Variants in NEO1 observed in about 807,000 individuals in gnomAD.
NEO1 encodes the protein neogenin.
In NEO1, 63 loss-of-function variants were observed where a neutral mutation model predicts 159.7. That is an observed-to-expected ratio of 0.39 (90% CI 0.32 to 0.49). The LOEUF (loss-of-function observed/expected upper bound fraction) is 0.49, where lower values mean the gene tolerates loss of function less well. NEO1 is among the 20% of genes least tolerant of loss of function. NEO1 has a pLI of 0.85. For missense variants in NEO1, 1,615 were observed against 1,831.0 expected (o/e 0.88, Z 2.15); for synonymous variants, 633 against 662.0 (o/e 0.96, Z 0.67).
chr15:73,169,254 T>G (rs1207963605), intron 5 of NEO1, among the ~76,000 whole-genome samples: 1 of 152,194 alleles, frequency 6.6e-6, no homozygotes, highest in Non-Finnish European at 1.5e-5. Context: ...ACTTGTACAT[T>G]TAGCAATTAA....
At chr15:73,204,491 G>T (rs1796356137) in intron 7 of NEO1, among the ~76,000 whole-genome samples, 1 of 151,176 alleles carries the variant, frequency 6.6e-6, no homozygotes, top group East Asian at 1.9e-4. Context: ...TTTTCTCTTT[G>T]CATTTTAGTG....
intron 15 of NEO1, among the ~76,000 whole-genome samples, chr15:73,265,751 C>T (rs150620503): frequency 2.0e-5 from 3 of 152,152 alleles, no homozygotes; most frequent in East Asian, 3.9e-4. Context: ...GTGGGTGGGC[C>T]GCCAAGAAAA....
chr15:73,069,883 G>T (rs1424812683), intron 1 of NEO1, among the ~76,000 whole-genome samples: 2 of 152,192 alleles, frequency 1.3e-5, no homozygotes, highest in Non-Finnish European at 1.5e-5. Flanking sequence ...AGAGTTAGCA[G>T]TCTGCTTCCA....
chr15:73,215,390 A>G (rs541808492), intron 7 of NEO1, among the ~76,000 whole-genome samples: 22 of 152,286 alleles, frequency 1.4e-4, no homozygotes, highest in African/African-American at 5.1e-4. Flanking sequence ...ACTTTTCCCC[A>G]TTCAGTATTA....
intron 8 of NEO1, among the ~76,000 whole-genome samples, chr15:73,244,116 G>A (rs1012761521): frequency 1.3e-5 from 2 of 152,162 alleles, no homozygotes; most frequent in Non-Finnish European, 2.9e-5. Context: ...TATGGTCAGC[G>A]ATATCAGTAA....
At position 73,066,320 on chromosome 15, in the gene NEO1, CTT is replaced by C. The variant is rs35179965; in HGVS notation, c.130+13536_130+13537del. Among the ~76,000 whole-genome samples, 988 of 110,212 alleles carry C rather than the reference CTT, an allele frequency of 9.0e-3. 16 individuals carry two copies. The highest frequency in any genetic ancestry group is 0.033 in the African/African-American group (926 of 27,754). 72.3% of individuals were successfully genotyped at this position (110,212 alleles called of 152,430 possible). A position where few individuals can be genotyped will look rare whatever the true frequency, so the allele number is the denominator to read the frequency against. On this transcript the variant is annotated intron_variant, in intron 1 of 28. Coordinates refer to ENST00000261908, the MANE Select transcript of NEO1 (RefSeq NM_002499.4). ...AGGCTTGAGCCACCGCACCTGGCCTCTTTTTTTTTTTTTTTTTTTTTTAAATA... is the reference window on the plus strand; with the variant it reads ...AGGCTTGAGCCACCGCACCTGGCCTCTTTTTTTTTTTTTTTTTTTTAAATA...
chr15:73,281,869 C>CA (rs2053124635), intron 22 of NEO1, among the ~76,000 whole-genome samples: 1 of 152,164 alleles, frequency 6.6e-6, no homozygotes, highest in Non-Finnish European at 1.5e-5. Flanking sequence ...AAATGGAAGA[C>CA]AGTAAGACTT....
chr15:73,069,731 A>G (rs2151306627), intron 1 of NEO1, among the ~76,000 whole-genome samples: 1 of 152,238 alleles, frequency 6.6e-6, no homozygotes, highest in African/African-American at 2.4e-5. Flanking sequence ...TGTTACACAT[A>G]TTTAGAAAGT....
At chr15:73,206,557 T>C (rs1393063139) in intron 7 of NEO1, among the ~76,000 whole-genome samples, 1 of 152,168 alleles carries the variant, frequency 6.6e-6, no homozygotes, top group Non-Finnish European at 1.5e-5. Context: ...GCAGCAGTAT[T>C]TCTGGCTCAG....
chr15:73,113,463 C>T (rs2071119016), intron 1 of NEO1, among the ~76,000 whole-genome samples: 1 of 152,050 alleles, frequency 6.6e-6, no homozygotes, highest in Admixed American at 6.6e-5. Flanking sequence ...CAAACTATAC[C>T]CTGAGATACC....
intron 1 of NEO1, among the ~76,000 whole-genome samples, chr15:73,104,909 T>TG (rs1269759167): frequency 1.3e-5 from 2 of 152,092 alleles, no homozygotes; most frequent in African/African-American, 4.8e-5. Flanking sequence ...CAAGGGGAAA[T>TG]GCGCCCCATG....
rs543316662 is a variant in NEO1, at chr15:73,135,892, T to C, written c.880T>C (p.Ser294Pro). 1.2e-4 allele frequency: 176 copies of C among 1,528,808 alleles called. No individual in the cohort carries two copies. The highest frequency in any genetic ancestry group is 1.4e-4 in the Non-Finnish European group (164 of 1,137,820). The allele number at this position is 1,528,808 out of a possible 1,614,324, so 94.7% of individuals were successfully genotyped here. A position where few individuals can be genotyped will look rare whatever the true frequency, so the allele number is the denominator to read the frequency against. ...KNEEALDTES[S>P]ERLVLLAGGS... ...TTTTTTTTTTTTTTTTTAACACAGC[T>C]CTGAAAGATTGGTATTGCTGGCAGG... The change falls in exon 5 of 29, where the codon TCT becomes CCT. Residue 294 changes from serine to proline, a missense_variant and splice_region_variant. Around this residue, in one of 3 missense-constraint regions of NEO1, gnomAD observed 1,018 missense variants for 1,115.4 expected, o/e 0.91. Coordinates refer to ENST00000261908, the MANE Select transcript of NEO1 (RefSeq NM_002499.4).
chr15:73,259,120 A>AT lies in NEO1; in HGVS notation c.2203+254dup, dbSNP rs1038487612. 1,435 of 316,192 alleles carry AT rather than the reference A, an allele frequency of 4.5e-3. 4 individuals are homozygous for AT. Among genetic ancestry groups the AT allele is most frequent in the East Asian group, 0.019 (358 of 18,696 alleles). The allele number at this position is 316,192 out of a possible 1,614,324, so 19.6% of individuals were successfully genotyped here. Reference sequence around the variant, plus strand: ...AAAATGTGTATGTGCTATAAGTTGGATTTTTTTTTTAATCAAGGCCATTAA... The same window carrying AT: ...AAAATGTGTATGTGCTATAAGTTGGATTTTTTTTTTTAATCAAGGCCATTAA... On this transcript the variant is annotated intron_variant, in intron 14 of 28. Coordinates refer to ENST00000261908, the MANE Select transcript of NEO1 (RefSeq NM_002499.4).
At chr15:73,229,771 A>G (rs907673708) in intron 7 of NEO1, among the ~76,000 whole-genome samples, 2 of 151,980 alleles carry the variant, frequency 1.3e-5, no homozygotes, top group African/African-American at 2.4e-5. Flanking sequence ...CATTTTGTCA[A>G]ATGCTTTTTC....
intron 1 of NEO1, among the ~76,000 whole-genome samples, chr15:73,060,417 C>T (rs1214327794): frequency 6.6e-6 from 1 of 151,962 alleles, no homozygotes; most frequent in Admixed American, 6.6e-5. Context: ...GCGTGCACCA[C>T]CACACCCTGC....
intron 1 of NEO1, among the ~76,000 whole-genome samples, chr15:73,107,578 A>G (rs578035317): frequency 1.3e-5 from 2 of 152,212 alleles, no homozygotes; most frequent in Non-Finnish European, 2.9e-5. Flanking sequence ...CAGTTAGTTG[A>G]AGCCTTTGTA....
intron 4 of NEO1, among the ~76,000 whole-genome samples, chr15:73,131,057 C>T (rs1280672502): frequency 6.6e-6 from 1 of 151,928 alleles, no homozygotes; most frequent in Non-Finnish European, 1.5e-5. Context: ...GAGACAGCAC[C>T]CCCCCACACA....
At position 73,249,046 on chromosome 15, in the gene NEO1, A is replaced by ACTT; in HGVS notation, c.1607-13_1607-11dup. 1 of 1,613,006 alleles carries ACTT rather than the reference A, an allele frequency of 6.2e-7. No individual in the cohort carries two copies. Among genetic ancestry groups the ACTT allele is most frequent in the Non-Finnish European group, 8.5e-7 (1 of 1,179,392 alleles). ...TTTCATTTATATCTTGCTTTCTCGA[A>ACTT]CTTTTCTTTCTAGTTCAGCTCCCTG... On this transcript the variant is annotated splice_polypyrimidine_tract_variant and intron_variant, in intron 9 of 28. Coordinates refer to ENST00000261908, the MANE Select transcript of NEO1 (RefSeq NM_002499.4).
At chr15:73,217,926 C>T (rs1305239573) in intron 7 of NEO1, among the ~76,000 whole-genome samples, 2 of 152,216 alleles carry the variant, frequency 1.3e-5, no homozygotes, top group Non-Finnish European at 2.9e-5. Context: ...ATTTCCTTCT[C>T]CTGCCTAATT....
Sources: allele counts gnomAD v4.1 joint callset (sites outside exome capture counted in the v4.1 genomes callset), GRCh38; gene constraint gnomAD v4.1.1; regional missense constraint gnomAD v4.1.1; transcripts MANE v1.5; gene names NCBI Gene and HGNC (gene_info 2026-07-23, HGNC 2026-07-21).